The following SOS1 variants were observed in gnomAD, a reference collection of about 807,000 sequenced individuals.
SOS1 encodes SOS Ras/Rac guanine nucleotide exchange factor 1, also known as son of sevenless homolog 1.
Under a neutral mutation model 157.6 loss-of-function variants are expected in SOS1, and 25 were observed. That is an observed-to-expected ratio of 0.16 (90% CI 0.12 to 0.22). SOS1 has a LOEUF of 0.22. Ranked by LOEUF, SOS1 falls within the 10% of genes least tolerant of loss-of-function variation. The probability of loss-of-function intolerance (pLI) is 1.00; values close to 1 mark genes in which losing one functional copy is unlikely to be tolerated. For synonymous variants in SOS1, 528 were observed against 534.0 expected, an observed-to-expected ratio of 0.99 and a Z score of 0.16; for missense variants, 1,237 against 1,599.1, an observed-to-expected ratio of 0.77 and a Z score of 3.86.
intron 2 of SOS1, among the ~76,000 whole-genome samples, chr2:39,065,808 C>A (rs1671570283): frequency 6.6e-6 from 1 of 152,074 alleles, no homozygotes; most frequent in African/African-American, 2.4e-5. Context: ...CTTCTCTGTG[C>A]CAGATATTGC....
chr2:39,103,271 A>G (rs977997477), intron 1 of SOS1, among the ~76,000 whole-genome samples: 3 of 152,168 alleles, frequency 2.0e-5, no homozygotes, highest in African/African-American at 7.2e-5. Flanking sequence ...CTCTATCAAA[A>G]TTCCAAAATC....
At chr2:39,022,546 G>T in intron 10 of SOS1, 24 bp downstream of exon 10, 1 of 1,590,354 alleles carries the variant, frequency 6.3e-7, no homozygotes, top group Non-Finnish European at 8.6e-7. Context: ...AAACAAAAGT[G>T]ACAGGCAACT....
intron 5 of SOS1, among the ~76,000 whole-genome samples, chr2:39,052,118 T>C (rs1316931768): frequency 1.3e-5 from 2 of 152,204 alleles, no homozygotes; most frequent in Non-Finnish European, 2.9e-5. Context: ...TTTGTCTCTA[T>C]GGATTTGCCT....
chr2:38,990,903 CAGTT>C (rs1470719240), intron 20 of SOS1, among the ~76,000 whole-genome samples: 14 of 152,052 alleles, frequency 9.2e-5, no homozygotes, highest in African/African-American at 3.4e-4. Context: ...AAATTCTTGT[CAGTT>C]AGATACTGAG....
intron 15 of SOS1, among the ~76,000 whole-genome samples, chr2:39,010,213 G>C (rs575598920): frequency 1.3e-5 from 2 of 152,036 alleles, no homozygotes; most frequent in South Asian, 4.2e-4. Flanking sequence ...CTACTCAGGA[G>C]GCTGAGGCCT....
chr2:39,024,960 T>C (rs1447637851), intron 8 of SOS1, among the ~76,000 whole-genome samples: 4 of 152,220 alleles, frequency 2.6e-5, no homozygotes, highest in Non-Finnish European at 1.5e-5. Flanking sequence ...AGACAGAACG[T>C]CTCTACTTAA....
Position 39,038,732 on chromosome 2 carries a change from CAAA to C in SOS1, c.865-3235_865-3233del, listed in dbSNP as rs534107281. 6.6e-4 allele frequency among the ~76,000 whole-genome samples: 12 copies of C among 18,216 alleles called. 2 individuals are homozygous for C. Among genetic ancestry groups the C allele is most frequent in the African/African-American group, 2.5e-3 (10 of 4,052 alleles). 12.0% of individuals were successfully genotyped at this position (18,216 alleles called of 152,430 possible). A position where few individuals can be genotyped will look rare whatever the true frequency, so the allele number is the denominator to read the frequency against. Reference sequence around the variant, plus strand: ...CTGGCAACAAAATGAGACTCCGTCTCAAAAAAAAAAAAAAAAGTCGTTTCTTGA... The same window carrying C: ...CTGGCAACAAAATGAGACTCCGTCTCAAAAAAAAAAAAAGTCGTTTCTTGA... On this transcript the variant is annotated intron_variant, in intron 6 of 22. Coordinates refer to ENST00000402219, the MANE Select transcript of SOS1 (RefSeq NM_005633.4).
At chr2:39,057,940 C>G (rs553157540) in intron 3 of SOS1, among the ~76,000 whole-genome samples, 1 of 152,012 alleles carries the variant, frequency 6.6e-6, no homozygotes, top group Admixed American at 6.5e-5. Context: ...GTTACTTAAT[C>G]ACTTTCTGCC....
At chr2:39,023,442 C>T (rs1669861088) in intron 9 of SOS1, among the ~76,000 whole-genome samples, 1 of 151,888 alleles carries the variant, frequency 6.6e-6, no homozygotes, top group African/African-American at 2.4e-5. Flanking sequence ...TGATTGCTGA[C>T]AAAATTCTCC....
chr2:38,993,030 G>A (rs1010744128), intron 20 of SOS1: 2 of 148,158 alleles, frequency 1.3e-5, no homozygotes, highest in African/African-American at 5.0e-5. Context: ...GAGGCCAGAA[G>A]TTTGAGATCA....
intron 1 of SOS1, among the ~76,000 whole-genome samples, chr2:39,078,734 T>C (rs560505836): frequency 6.4e-4 from 98 of 152,006 alleles, no homozygotes; most frequent in African/African-American, 8.2e-4. Context: ...CATGGAAAAA[T>C]TGTCTTCCAC....
At chr2:39,121,865 G>A (rs950903035), upstream of SOS1, among the ~76,000 whole-genome samples, 1 of 152,170 alleles carries the variant, frequency 6.6e-6, no homozygotes, top group Admixed American at 6.5e-5. Flanking sequence ...TATAATAGGG[G>A]CACTTTGTGG....
At chr2:39,052,560 TTG>T (rs1671057587) in intron 5 of SOS1, among the ~76,000 whole-genome samples, 1 of 152,210 alleles carries the variant, frequency 6.6e-6, no homozygotes, top group Non-Finnish European at 1.5e-5. Flanking sequence ...GAATCATATA[TTG>T]TCTTTTGTGC....
intron 1 of SOS1, among the ~76,000 whole-genome samples, chr2:39,106,201 AC>A: frequency 6.6e-6 from 1 of 151,888 alleles, no homozygotes; most frequent in Non-Finnish European, 1.5e-5. Context: ...ACACACACAC[AC>A]ACACACACAC....
chr2:39,046,038 T>C (rs974239600), intron 6 of SOS1, among the ~76,000 whole-genome samples: 1 of 152,222 alleles, frequency 6.6e-6, no homozygotes, highest in Non-Finnish European at 1.5e-5. Context: ...AAATCAAATA[T>C]AATTACTCTC....
At chr2:38,989,734 A>G (rs1423350996) in intron 20 of SOS1, among the ~76,000 whole-genome samples, 1 of 152,066 alleles carries the variant, frequency 6.6e-6, no homozygotes, top group African/African-American at 2.4e-5. Flanking sequence ...GTTACTAATT[A>G]TATGTCTTTC....
chr2:39,095,098 A>C (rs371967426), intron 1 of SOS1, among the ~76,000 whole-genome samples: 1 of 152,322 alleles, frequency 6.6e-6, no homozygotes, highest in African/African-American at 2.4e-5. Flanking sequence ...ATACAGTTAG[A>C]CTGAATGAAG....
chr2:38,989,239 G>A (rs1668653044), intron 21 of SOS1, 31 bp downstream of exon 21: 1 of 1,508,552 alleles, frequency 6.6e-7, no homozygotes, highest in Admixed American at 1.7e-5. Flanking sequence ...GCCAAAGCAA[G>A]AATTATGAGT....
Position 39,067,621 on chromosome 2 carries a change from G to A in SOS1, c.213+7C>T. 4.3e-6 allele frequency: 7 copies of A among 1,612,282 alleles called. No individual in the cohort carries two copies. Among genetic ancestry groups the A allele is most frequent in the Non-Finnish European group, 4.2e-6 (5 of 1,178,430 alleles). On this transcript the variant is annotated splice_region_variant and intron_variant, in intron 2 of 22. Transcript: ENST00000402219. ...ATAAAGTAAATACAAGACAACATTT[G>A]TCATACCTCTACATCTGAAGCACTT...
Sources: gnomAD v4.1 joint callset for allele counts (sites outside exome capture counted in the v4.1 genomes callset) on GRCh38, gnomAD v4.1.1 for gene constraint, MANE v1.5 for transcripts, NCBI Gene and HGNC (gene_info 2026-07-23, HGNC 2026-07-21) for gene names.